NIM1K: variants seen among roughly 807,000 people sequenced by gnomAD.
The protein encoded by NIM1K is serine/threonine-protein kinase NIM1.
Under a neutral mutation model 37.1 loss-of-function variants are expected in NIM1K, and 35 were observed. The ratio of observed to expected loss-of-function variants is 0.94; its 90% CI spans 0.72 to 1.25. The LOEUF (loss-of-function observed/expected upper bound fraction) is 1.25. Ranked by LOEUF, NIM1K falls within the 50% of genes most tolerant of loss-of-function variation. The pLI is 0.00. For synonymous variants in NIM1K, 234 were observed against 206.6 expected (o/e 1.13, Z -1.14); for missense variants, 564 against 548.0 (o/e 1.03, Z -0.29).
At chr5:43,231,588 G>T (rs1752539713) in intron 1 of NIM1K, among the ~76,000 whole-genome samples, 1 of 151,874 alleles carries the variant, frequency 6.6e-6, no homozygotes, top group Admixed American at 6.6e-5. Flanking sequence ...CTACATATTT[G>T]TTCACTTTTA....
chr5:43,273,294 C>A (rs887755199), intron 2 of NIM1K, among the ~76,000 whole-genome samples: 1 of 152,022 alleles, frequency 6.6e-6, no homozygotes, highest in African/African-American at 2.4e-5. Flanking sequence ...ACCTCTGCCC[C>A]CTGGGTTCAA....
At chr5:43,232,363 G>C (rs1752552007) in intron 1 of NIM1K, 1 of 1,354,868 alleles carries the variant, frequency 7.4e-7, no homozygotes, top group Admixed American at 1.7e-5. Context: ...GGGCATATGT[G>C]TCCAGACGGA....
In NIM1K at chr5:43,280,290, C is replaced by T; in HGVS notation, c.872C>T (p.Pro291Leu). ...KSILEGTYSV[P>L]PHVSEPCHRL... ...ATCCTCGAGGGCACATACAGTGTAC[C>T]GCCGCACGTGTCAGAGCCCTGCCAC... is the stretch of plus-strand genomic sequence containing the variant. The change falls in exon 4 of 4, where the codon CCG becomes CTG. Residue 291 changes from proline to leucine, a missense_variant. Coordinates refer to ENST00000326035, the MANE Select transcript of NIM1K (RefSeq NM_153361.4). 1.2e-6 allele frequency: 2 copies of T among 1,614,102 alleles called. No individual in the cohort carries two copies. The highest frequency in any genetic ancestry group is 1.7e-6 in the Non-Finnish European group (2 of 1,180,024).
chr5:43,242,189 A>G (rs945714053), intron 1 of NIM1K, among the ~76,000 whole-genome samples: 1 of 151,960 alleles, frequency 6.6e-6, no homozygotes, highest in African/African-American at 2.4e-5. Flanking sequence ...ATATTTGGCA[A>G]TTGTACCTGT....
chr5:43,254,227 G>C (rs1053917023), intron 2 of NIM1K, among the ~76,000 whole-genome samples: 1 of 152,198 alleles, frequency 6.6e-6, no homozygotes, highest in African/African-American at 2.4e-5. Context: ...CGGGACATGG[G>C]AGAGGAAGAA....
chr5:43,226,932 G>GGGGC (rs1752464330), intron 1 of NIM1K, among the ~76,000 whole-genome samples: 1 of 152,184 alleles, frequency 6.6e-6, no homozygotes, highest in Non-Finnish European at 1.5e-5. Flanking sequence ...GAAGGCAGTG[G>GGGGC]GGGCAGGAGC....
At chr5:43,212,386 T>G (rs1291049835) in intron 1 of NIM1K, among the ~76,000 whole-genome samples, 1 of 152,156 alleles carries the variant, frequency 6.6e-6, no homozygotes, top group Non-Finnish European at 1.5e-5. Flanking sequence ...CCTTTGAGCT[T>G]AGTCCAGGCT....
chr5:43,199,565 G>A (rs531551831), intron 1 of NIM1K, among the ~76,000 whole-genome samples: 5 of 152,188 alleles, frequency 3.3e-5, no homozygotes, highest in Non-Finnish European at 2.9e-5. Context: ...TTCCACAGGG[G>A]AAGGAAATGA....
intron 2 of NIM1K, among the ~76,000 whole-genome samples, chr5:43,257,202 A>T (rs1752959433): frequency 6.6e-6 from 1 of 152,038 alleles, no homozygotes; most frequent in Non-Finnish European, 1.5e-5. Flanking sequence ...AAACCAAGTG[A>T]AAAAGGTATT....
intron 1 of NIM1K, chr5:43,231,984 A>G (rs1254923693): frequency 3.0e-6 from 3 of 999,248 alleles, no homozygotes; most frequent in Non-Finnish European, 4.6e-6. Context: ...CATTCAAGTC[A>G]AACTTGTGGT....
intron 1 of NIM1K, among the ~76,000 whole-genome samples, chr5:43,213,449 C>T (rs112080090): frequency 0.15 from 22,007 of 151,632 alleles, 1,892 homozygotes; most frequent in Middle Eastern, 0.23. Flanking sequence ...CGTGCCTCAG[C>T]CTCCCAAGTA....
Position 43,201,041 on chromosome 5 carries a change from C to G in NIM1K, c.-695+8630C>G, listed in dbSNP as rs981894003. ...TTCAGAAGCCAAGGGAGGAGAATTGCTTGAGCCTGGGCGGCAGAGGTTGCA... is the reference window on the plus strand; with the variant it reads ...TTCAGAAGCCAAGGGAGGAGAATTGGTTGAGCCTGGGCGGCAGAGGTTGCA... On this transcript the variant is annotated intron_variant, in intron 1 of 3. Transcript: ENST00000326035. Among the ~76,000 whole-genome samples the G allele has an allele frequency of 3.3e-5, 5 of 151,386 alleles. No individual in the cohort carries two copies. The East Asian group carries it at 9.8e-4, about 30-fold the overall frequency.
chr5:43,267,904 T>A (rs897758489), intron 2 of NIM1K, among the ~76,000 whole-genome samples: 4 of 152,200 alleles, frequency 2.6e-5, no homozygotes. Flanking sequence ...CATGTGCTGA[T>A]GAGAAGAAAG....
rs140381954 is a variant in NIM1K, at chr5:43,254,480, A to T, written c.292+8413A>T. Among the ~76,000 whole-genome samples, 469 of 152,340 alleles carry T rather than the reference A, an allele frequency of 3.1e-3. 2 individuals carry two copies. The highest frequency in any genetic ancestry group is 0.011 in the African/African-American group (456 of 41,580). ...CTAGTTACAAGCTCCTTGGTGTCAGATACTATATCACATTGATCCTTAAAG... is the reference window on the plus strand; with the variant it reads ...CTAGTTACAAGCTCCTTGGTGTCAGTTACTATATCACATTGATCCTTAAAG... On this transcript the variant is annotated intron_variant, in intron 2 of 3. Transcript: ENST00000326035.
Position 43,207,077 on chromosome 5 carries a change from G to A in NIM1K, c.-695+14666G>A, listed in dbSNP as rs563978158. The A allele has an allele frequency of 4.6e-5, 33 of 718,466 alleles. 1 individual carries two copies. Among genetic ancestry groups the A allele is most frequent in the Middle Eastern group, 4.1e-4 (1 of 2,456 alleles). The allele number at this position is 718,466 out of a possible 1,614,324, so 44.5% of individuals were successfully genotyped here. A position where few individuals can be genotyped will look rare whatever the true frequency, so the allele number is the denominator to read the frequency against. ...AGATATTGGCCCATTACCTATGGGCGCCTGGTTGAATATGACATAGATTGA... is the reference window on the plus strand; with the variant it reads ...AGATATTGGCCCATTACCTATGGGCACCTGGTTGAATATGACATAGATTGA... On this transcript the variant is annotated intron_variant, in intron 1 of 3. Transcript: ENST00000326035.
At position 43,213,315 on chromosome 5, in the gene NIM1K, C is replaced by CTTTTG. The variant is rs1247789993; in HGVS notation, c.-695+20908_-695+20909insGTTTT. Among the ~76,000 whole-genome samples, 325 of 113,458 alleles carry CTTTTG rather than the reference C, an allele frequency of 2.9e-3. 5 individuals are homozygous for CTTTTG. The highest frequency in any genetic ancestry group is 0.01 in the African/African-American group (319 of 31,102). The allele number at this position is 113,458 out of a possible 152,430, so 74.4% of individuals were successfully genotyped here. On this transcript the variant is annotated intron_variant, in intron 1 of 3. Transcript: ENST00000326035. ...CTTTTCTTTTCTTTTCTTTTCTTTT[C>CTTTTG]TTTTCTTTTCTTTTCTTTTCTTTTC...
chr5:43,223,573 A>G (rs1420422894), intron 1 of NIM1K, among the ~76,000 whole-genome samples: 1 of 152,214 alleles, frequency 6.6e-6, no homozygotes, highest in Non-Finnish European at 1.5e-5. Flanking sequence ...GTACATATCT[A>G]TCATACAGCT....
At chr5:43,244,968 C>T (rs1752754476) in intron 1 of NIM1K, 114 bp from the exon 2 acceptor site, 2 of 152,154 alleles carry the variant, frequency 1.3e-5, no homozygotes, top group Admixed American at 1.3e-4. Context: ...TGATATGAGT[C>T]ATAAATTTGT....
intron 1 of NIM1K, among the ~76,000 whole-genome samples, chr5:43,218,724 C>CTTTTTTTTT (rs70994612): frequency 7.1e-6 from 1 of 141,126 alleles, no homozygotes; most frequent in Non-Finnish European, 1.5e-5. Flanking sequence ...TTCTTCTTTT[C>CTTTTTTTTT]TTTTTTTTTT....
Sources: allele counts gnomAD v4.1 joint callset (sites outside exome capture counted in the v4.1 genomes callset), GRCh38; gene constraint gnomAD v4.1.1; transcripts MANE v1.5; gene names NCBI Gene and HGNC (gene_info 2026-07-23, HGNC 2026-07-21).